The following SH3GL2 variants were observed in gnomAD, a reference collection of about 807,000 sequenced individuals.
The protein encoded by SH3GL2 is endophilin-A1.
A neutral mutation model predicts 46.0 loss-of-function variants in SH3GL2; 24 were observed. The observed-to-expected ratio is 0.52, with a 90% confidence interval of 0.38 to 0.73. The LOEUF is 0.73. SH3GL2 is among the 30% of genes least tolerant of loss of function. SH3GL2 has a pLI of 0.00. For synonymous variants in SH3GL2, 196 were observed against 147.1 expected (o/e 1.33, Z -2.40); for missense variants, 413 against 424.2 (o/e 0.97, Z 0.23).
intron 1 of SH3GL2, among the ~76,000 whole-genome samples, chr9:17,674,793 C>T (rs185822856): frequency 5.8e-4 from 89 of 152,218 alleles, no homozygotes; most frequent in African/African-American, 2.1e-3. Flanking sequence ...GGGGACTGGC[C>T]AGGGTTTCTT....
chr9:17,733,504 A>G (rs1822239619), intron 1 of SH3GL2, among the ~76,000 whole-genome samples: 1 of 151,384 alleles, frequency 6.6e-6, no homozygotes, highest in Non-Finnish European at 1.5e-5. Context: ...AAATAGGAAC[A>G]CTTTTACACT....
At chr9:17,645,458 T>G (rs1819792154) in intron 1 of SH3GL2, among the ~76,000 whole-genome samples, 1 of 152,202 alleles carries the variant, frequency 6.6e-6, no homozygotes. Context: ...TGAAGTTTGT[T>G]CATAATGTTG....
At chr9:17,693,523 T>G (rs1435382298) in intron 1 of SH3GL2, among the ~76,000 whole-genome samples, 1 of 152,218 alleles carries the variant, frequency 6.6e-6, no homozygotes, top group Non-Finnish European at 1.5e-5. Flanking sequence ...TTATTTTGTT[T>G]GCAGAAATGC....
At chr9:17,728,935 T>C (rs1197439235) in intron 1 of SH3GL2, among the ~76,000 whole-genome samples, 1 of 152,220 alleles carries the variant, frequency 6.6e-6, no homozygotes, top group Non-Finnish European at 1.5e-5. Context: ...GCAATAAATA[T>C]ACATGTGCAT....
At chr9:17,651,016 G>A (rs1290286979) in intron 1 of SH3GL2, among the ~76,000 whole-genome samples, 2 of 152,028 alleles carry the variant, frequency 1.3e-5, no homozygotes, top group South Asian at 2.1e-4. Flanking sequence ...GTGCACACAT[G>A]TATGTGTGGT....
chr9:17,715,239 G>T (rs1395699942), intron 1 of SH3GL2, among the ~76,000 whole-genome samples: 1 of 148,476 alleles, frequency 6.7e-6, no homozygotes, highest in African/African-American at 2.5e-5. Flanking sequence ...GCTCAGGCTG[G>T]TCACAAAATT....
intron 1 of SH3GL2, among the ~76,000 whole-genome samples, chr9:17,743,414 A>G (rs981202383): frequency 9.2e-6 from 1 of 108,944 alleles, no homozygotes; most frequent in Non-Finnish European, 1.9e-5. Context: ...ATAACTGCTA[A>G]TAACATCATT....
At chr9:17,612,787 C>A (rs763746976) in intron 1 of SH3GL2, among the ~76,000 whole-genome samples, 19 of 152,154 alleles carry the variant, frequency 1.2e-4, no homozygotes, top group Non-Finnish European at 1.6e-4. Flanking sequence ...AACGTTTTTA[C>A]ACCTGGAAAG....
chr9:17,699,925 A>G (rs959570383), intron 1 of SH3GL2, among the ~76,000 whole-genome samples: 1 of 152,182 alleles, frequency 6.6e-6, no homozygotes, highest in African/African-American at 2.4e-5. Flanking sequence ...TTGCTGTATC[A>G]AAAGGTTTAC....
chr9:17,754,038 G>A (rs1393142536), intron 2 of SH3GL2, among the ~76,000 whole-genome samples: 1 of 152,134 alleles, frequency 6.6e-6, no homozygotes, highest in African/African-American at 2.4e-5. Flanking sequence ...GTTGGTTTAT[G>A]TGTCTGTTTT....
chr9:17,586,694 TA>T (rs1241037505), intron 1 of SH3GL2, among the ~76,000 whole-genome samples: 1 of 152,104 alleles, frequency 6.6e-6, no homozygotes, highest in Non-Finnish European at 1.5e-5. Flanking sequence ...AAGCCCCTTA[TA>T]AAACCGTCAG....
At chr9:17,753,975 GA>G (rs1444807982) in intron 2 of SH3GL2, among the ~76,000 whole-genome samples, 1 of 152,196 alleles carries the variant, frequency 6.6e-6, no homozygotes, top group Non-Finnish European at 1.5e-5. Context: ...ATTTGTCAAA[GA>G]CCAGATAACT....
At chr9:17,587,426 T>G (rs1818399362) in intron 1 of SH3GL2, among the ~76,000 whole-genome samples, 1 of 152,192 alleles carries the variant, frequency 6.6e-6, no homozygotes, top group Admixed American at 6.5e-5. Context: ...TATATATATT[T>G]GGCCAGGTCT....
chr9:17,755,713 G>A lies in SH3GL2; in HGVS notation c.115-5724G>A, dbSNP rs9406693. 6.5e-3 allele frequency: 5,650 copies of A among 873,492 alleles called. 223 individuals are homozygous for A. In the African/African-American group the frequency reaches 0.091, roughly 14 times the overall value. The allele number at this position is 873,492 out of a possible 1,614,324, so 54.1% of individuals were successfully genotyped here. A position where few individuals can be genotyped will look rare whatever the true frequency, so the allele number is the denominator to read the frequency against. ...CTGCTACAGCATCTGGTATAATGTG[G>A]TATCTAATAGTATGAAATCATATCT... On this transcript the variant is annotated intron_variant, in intron 2 of 8. Coordinates refer to ENST00000380607, the MANE Select transcript of SH3GL2 (RefSeq NM_003026.5).
chr9:17,684,450 A>G (rs966873630), intron 1 of SH3GL2, among the ~76,000 whole-genome samples: 4 of 152,126 alleles, frequency 2.6e-5, no homozygotes, highest in African/African-American at 9.6e-5. Context: ...AGAGCCCCTA[A>G]GAGCTTTAGT....
chr9:17,621,962 A>G (rs749888117), intron 1 of SH3GL2, among the ~76,000 whole-genome samples: 5 of 152,180 alleles, frequency 3.3e-5, no homozygotes, highest in Non-Finnish European at 7.3e-5. Flanking sequence ...AGTTTTCCAC[A>G]GTGAATGTTC....
chr9:17,733,260 AT>A lies in SH3GL2; in HGVS notation c.46-13798del, dbSNP rs539505693. 6.2e-3 allele frequency among the ~76,000 whole-genome samples: 946 copies of A among 151,588 alleles called. 7 individuals carry two copies. The highest frequency in any genetic ancestry group is 0.022 in the African/African-American group (907 of 41,318). ...TCCCTCTCACATTCTCTTTTTTTAA[AT>A]TTTTTTTATTTTTTTCATTTTTTTA... On this transcript the variant is annotated intron_variant, in intron 1 of 8. Coordinates refer to ENST00000380607, the MANE Select transcript of SH3GL2 (RefSeq NM_003026.5).
intron 1 of SH3GL2, among the ~76,000 whole-genome samples, chr9:17,581,152 G>A (rs7029346): frequency 0.69 from 105,571 of 152,022 alleles, 37,009 homozygotes; most frequent in African/African-American, 0.78. Flanking sequence ...CCCTTATGCT[G>A]TGAAGAAGTT....
chr9:17,727,341 C>T (rs1044674979), intron 1 of SH3GL2, among the ~76,000 whole-genome samples: 1 of 152,130 alleles, frequency 6.6e-6, no homozygotes, highest in Non-Finnish European at 1.5e-5. Flanking sequence ...AGCTCACAAG[C>T]TAAGAATGAC....
Sources: allele counts gnomAD v4.1 joint callset (sites outside exome capture counted in the v4.1 genomes callset), GRCh38; gene constraint gnomAD v4.1.1; transcripts MANE v1.5; gene names NCBI Gene and HGNC (gene_info 2026-07-23, HGNC 2026-07-21).